CCDC77: variants seen among roughly 807,000 people sequenced by gnomAD.
CCDC77 encodes coiled-coil domain-containing protein 77.
CCDC77 carries 56 observed loss-of-function variants against 66.8 expected under a neutral mutation model. That is an observed-to-expected ratio of 0.84 (90% confidence interval 0.68 to 1.05). The LOEUF (loss-of-function observed/expected upper bound fraction) is 1.05. CCDC77 is among the 50% of genes least tolerant of loss of function. The probability of loss-of-function intolerance (pLI) is 0.00; values close to 1 mark genes in which losing one functional copy is unlikely to be tolerated. For synonymous variants in CCDC77, 196 were observed against 195.2 expected (o/e 1.00, Z -0.03); for missense variants, 570 against 576.8 (o/e 0.99, Z 0.12).
chr12:396,402 ATAAAT>A (rs1235102057), intron 1 of CCDC77, among the ~76,000 whole-genome samples: 1 of 152,244 alleles, frequency 6.6e-6, no homozygotes, highest in Non-Finnish European at 1.5e-5. Flanking sequence ...GAAAAAATAA[ATAAAT>A]AAAAAAGGAA....
Position 442,383 on chromosome 12 carries a change from C to T in CCDC77, c.*463C>T, listed in dbSNP as rs1253005709. On this transcript the variant is annotated 3_prime_UTR_variant, in exon 13 of 13. Transcript: ENST00000239830. ...TCACAACCTGTCACATTGAAATAGG[C>T]GCTCATTCTGCTATTTCACCTTCCG... 1 of 153,828 alleles carries T rather than the reference C, an allele frequency of 6.5e-6. No homozygotes were observed. The highest frequency in any genetic ancestry group is 1.4e-5 in the Non-Finnish European group (1 of 69,210). The allele number at this position is 153,828 out of a possible 1,614,324, so 9.5% of individuals were successfully genotyped here.
At chr12:414,917 TCA>T (rs1167505242) in intron 4 of CCDC77, among the ~76,000 whole-genome samples, 5 of 152,222 alleles carry the variant, frequency 3.3e-5, no homozygotes, top group South Asian at 2.1e-4. Context: ...CCAGTTGGCC[TCA>T]CACTTTTCAC....
At chr12:441,454 C>T (rs993780742) in intron 12 of CCDC77, among the ~76,000 whole-genome samples, 1 of 152,158 alleles carries the variant, frequency 6.6e-6, no homozygotes, top group Non-Finnish European at 1.5e-5. Flanking sequence ...CTGTGACAAA[C>T]TTACCAGTAG....
At chr12:433,653 A>G (rs1371845605) in intron 9 of CCDC77, among the ~76,000 whole-genome samples, 1 of 130,020 alleles carries the variant, frequency 7.7e-6, no homozygotes, top group African/African-American at 3.8e-5. Flanking sequence ...CCCTGTCTCA[A>G]AAAAAAAAAA....
intron 4 of CCDC77, among the ~76,000 whole-genome samples, chr12:415,207 T>A: frequency 6.6e-6 from 1 of 151,342 alleles, no homozygotes; most frequent in Non-Finnish European, 1.5e-5. Flanking sequence ...ACCTTTTGAG[T>A]TCCACTGTGG....
intron 1 of CCDC77, among the ~76,000 whole-genome samples, chr12:394,194 G>A (rs2137520121): frequency 6.6e-6 from 1 of 152,290 alleles, no homozygotes; most frequent in South Asian, 2.1e-4. Flanking sequence ...TTGTCTGTTA[G>A]TCCTTCTGGT....
At position 442,526 on chromosome 12, in the gene CCDC77, AT is replaced by A. The variant is rs1945875850; in HGVS notation, c.*607del. 6.6e-6 allele frequency: 1 copy of A among 152,226 alleles called. No homozygotes were observed. Among genetic ancestry groups the A allele is most frequent in the Non-Finnish European group, 1.5e-5 (1 of 68,044 alleles). 9.4% of individuals were successfully genotyped at this position (152,226 alleles called of 1,614,324 possible). A position where few individuals can be genotyped will look rare whatever the true frequency, so the allele number is the denominator to read the frequency against. ...ATTCGGGAGACACTTTGCCGAGGGGATGAAGCTGAGATGATGCTTGTATGGA... is the reference window on the plus strand; with the variant it reads ...ATTCGGGAGACACTTTGCCGAGGGGAGAAGCTGAGATGATGCTTGTATGGA... On this transcript the variant is annotated 3_prime_UTR_variant, in exon 13 of 13. Transcript: ENST00000239830.
intron 3 of CCDC77, among the ~76,000 whole-genome samples, chr12:411,472 G>A (rs993648442): frequency 7.9e-5 from 12 of 151,358 alleles, no homozygotes; most frequent in African/African-American, 2.7e-4. Context: ...GAGCCACCAC[G>A]CCCGGCCAAG....
intron 1 of CCDC77, among the ~76,000 whole-genome samples, chr12:394,297 C>T (rs1944799082): frequency 6.6e-6 from 1 of 152,216 alleles, no homozygotes; most frequent in Non-Finnish European, 1.5e-5. Flanking sequence ...CTTCTTACTT[C>T]ATCGCACAGA....
intron 5 of CCDC77, among the ~76,000 whole-genome samples, chr12:423,477 G>GTTTTTTTTTTTTT (rs1565572179): frequency 4.4e-4 from 11 of 24,958 alleles, no homozygotes; most frequent in Non-Finnish European, 6.3e-4. Flanking sequence ...TGTGTTTTTT[G>GTTTTTTTTTTTTT]TGTTTTTTTT....
chr12:398,237 A>G (rs904926886), upstream of CCDC77, among the ~76,000 whole-genome samples: 7 of 152,208 alleles, frequency 4.6e-5, no homozygotes, highest in Non-Finnish European at 8.8e-5. Flanking sequence ...GTTGAAGTCA[A>G]TCCTCAAACC....
chr12:413,719 C>A lies in CCDC77; in HGVS notation c.270+1741C>A, dbSNP rs1488302305. ...CTCAGCTCACTGCAAGCTCTGCCTC[C>A]TGGGTTCAAGCAATTCTCCTGCCTC... On this transcript the variant is annotated intron_variant, in intron 4 of 12. Transcript: ENST00000239830. 1.3e-5 allele frequency among the ~76,000 whole-genome samples: 2 copies of A among 150,754 alleles called. 1 individual carries two copies. Among genetic ancestry groups the A allele is most frequent in the African/African-American group, 4.9e-5 (2 of 40,556 alleles).
intron 1 of CCDC77, among the ~76,000 whole-genome samples, chr12:404,503 C>G (rs958298625): frequency 6.6e-6 from 1 of 152,124 alleles, no homozygotes; most frequent in Non-Finnish European, 1.5e-5. Context: ...CTCAGTGGCT[C>G]ATGCCTGTAA....
At chr12:425,917 T>G (rs1485816127) in intron 5 of CCDC77, among the ~76,000 whole-genome samples, 1 of 152,174 alleles carries the variant, frequency 6.6e-6, no homozygotes, top group Non-Finnish European at 1.5e-5. Flanking sequence ...CAGGCTGGAG[T>G]GCAGTGGCGT....
At chr12:403,838 T>A (rs959503401) in intron 1 of CCDC77, among the ~76,000 whole-genome samples, 3 of 152,196 alleles carry the variant, frequency 2.0e-5, no homozygotes, top group African/African-American at 7.2e-5. Flanking sequence ...TTGTCCAGGC[T>A]AGAGTGCAGT....
At position 418,645 on chromosome 12, in the gene CCDC77, TAGG is replaced by T. The variant is rs753418508; in HGVS notation, c.413+12_413+14del. 4.3e-6 allele frequency: 7 copies of T among 1,609,348 alleles called. No homozygotes were observed. The highest frequency in any genetic ancestry group is 5.9e-6 in the Non-Finnish European group (7 of 1,178,254). On this transcript the variant is annotated intron_variant, in intron 5 of 12. Coordinates refer to ENST00000239830, the MANE Select transcript of CCDC77 (RefSeq NM_032358.4). Reference sequence around the variant, plus strand: ...GACCGACTGAGAATCAGGTACCAAATAGGAGAAGGGAAATGTTGGAGTTTAACT... The same window carrying T: ...GACCGACTGAGAATCAGGTACCAAATAGAAGGGAAATGTTGGAGTTTAACT...
intron 4 of CCDC77, among the ~76,000 whole-genome samples, chr12:416,367 GTGTGTGTGTGTATATATATATATATA>G (rs1945271365): frequency 6.6e-5 from 2 of 30,238 alleles, no homozygotes; most frequent in South Asian, 1.3e-3. Flanking sequence ...GTGTGTGTGT[GTGTGTGTGTGTATATATATATATATA>G]TATATATATA....
At chr12:396,622 A>C (rs921553697) in intron 1 of CCDC77, among the ~76,000 whole-genome samples, 1 of 152,096 alleles carries the variant, frequency 6.6e-6, no homozygotes, top group African/African-American at 2.4e-5. Flanking sequence ...CTGTATTTCC[A>C]ATTAGGGAGA....
Position 442,107 on chromosome 12 carries a change from C to A in CCDC77, c.*187C>A. 1.6e-6 allele frequency: 1 copy of A among 622,598 alleles called. No individual in the cohort carries two copies. Among genetic ancestry groups the A allele is most frequent in the Admixed American group, 2.8e-5 (1 of 35,758 alleles). 38.6% of individuals were successfully genotyped at this position (622,598 alleles called of 1,614,324 possible). On this transcript the variant is annotated 3_prime_UTR_variant, in exon 13 of 13. Transcript: ENST00000239830. ...TTCTTGCATACTCAGCTTGCTTTATCATTTTTGCTGTCCTTTTAACACTTG... is the reference window on the plus strand; with the variant it reads ...TTCTTGCATACTCAGCTTGCTTTATAATTTTTGCTGTCCTTTTAACACTTG...
Sources: allele counts gnomAD v4.1 joint callset (sites outside exome capture counted in the v4.1 genomes callset), GRCh38; gene constraint gnomAD v4.1.1; transcripts MANE v1.5; gene names NCBI Gene and HGNC (gene_info 2026-07-23, HGNC 2026-07-21).